The following RBFOX1 variants were observed in gnomAD, a reference collection of about 807,000 sequenced individuals.
The protein encoded by RBFOX1 is RNA binding protein fox-1 homolog 1.
RBFOX1 carries 8 observed loss-of-function variants against 57.7 expected under a neutral mutation model. The ratio of observed to expected loss-of-function variants is 0.14; its 90% CI spans 0.08 to 0.25. The LOEUF (loss-of-function observed/expected upper bound fraction) is 0.25, where lower values mean the gene tolerates loss of function less well. RBFOX1 is among the 10% of genes least tolerant of loss of function. The pLI is 1.00. For missense variants in RBFOX1, 611 were observed against 548.5 expected, an observed-to-expected ratio of 1.11 and a Z score of -1.14; for synonymous variants, 326 against 222.4, an observed-to-expected ratio of 1.47 and a Z score of -4.15.
intron 2 of RBFOX1, among the ~76,000 whole-genome samples, chr16:5,573,286 G>A (rs1287399750): frequency 2.6e-5 from 4 of 152,132 alleles, no homozygotes; most frequent in Non-Finnish European, 4.4e-5. Flanking sequence ...CCTTCCCCAC[G>A]GCCTCGGGTG....
intron 3 of RBFOX1, among the ~76,000 whole-genome samples, chr16:7,013,545 A>G (rs2093754193): frequency 6.6e-6 from 1 of 152,214 alleles, no homozygotes; most frequent in Admixed American, 6.5e-5. Flanking sequence ...CTGTATCAAA[A>G]TGTTAGCAGT....
intron 2 of RBFOX1, among the ~76,000 whole-genome samples, chr16:6,450,916 T>C (rs992234353): frequency 8.1e-5 from 11 of 135,212 alleles, no homozygotes; most frequent in African/African-American, 2.8e-4. Flanking sequence ...TTATAACCCC[T>C]GAATAACAGG....
intron 3 of RBFOX1, among the ~76,000 whole-genome samples, chr16:6,673,327 C>A (rs973362561): frequency 1.3e-5 from 2 of 152,210 alleles, no homozygotes; most frequent in South Asian, 4.1e-4. Context: ...GTGGCTCATG[C>A]CTGTAATCCC....
intron 2 of RBFOX1, among the ~76,000 whole-genome samples, chr16:6,446,967 C>G (rs370545251): frequency 6.6e-6 from 1 of 152,236 alleles, no homozygotes; most frequent in East Asian, 1.9e-4. Flanking sequence ...TGTGTTTTGC[C>G]TGTACTTTTC....
intron 1 of RBFOX1, among the ~76,000 whole-genome samples, chr16:6,137,876 T>C (rs958084601): frequency 5.9e-5 from 9 of 152,054 alleles, no homozygotes; most frequent in African/African-American, 2.2e-4. Context: ...TCCCAAAGTG[T>C]TGGGATCACA....
intron 4 of RBFOX1, among the ~76,000 whole-genome samples, chr16:5,997,274 C>G (rs2060507420): frequency 1.3e-5 from 2 of 152,324 alleles, no homozygotes; most frequent in East Asian, 1.9e-4. Context: ...GAGCCTGGAC[C>G]TCTACAGTTA....
chr16:6,034,434 G>C (rs1341634464), intron 1 of RBFOX1, among the ~76,000 whole-genome samples: 2 of 151,292 alleles, frequency 1.3e-5, no homozygotes, highest in African/African-American at 4.9e-5. Flanking sequence ...CCATGATCAA[G>C]GTGTGGCAAG....
chr16:6,069,858 A>G (rs1293638793), intron 1 of RBFOX1, among the ~76,000 whole-genome samples: 1 of 151,938 alleles, frequency 6.6e-6, no homozygotes, highest in Non-Finnish European at 1.5e-5. Flanking sequence ...GTAGTGGTGC[A>G]TGCCTGTAAT....
chr16:6,171,768 A>G (rs1036064051), intron 1 of RBFOX1, among the ~76,000 whole-genome samples: 3 of 152,074 alleles, frequency 2.0e-5, no homozygotes, highest in Non-Finnish European at 4.4e-5. Context: ...AGTGATTGTG[A>G]ACCAAAGGGT....
chr16:5,392,085 G>C lies in RBFOX1; in HGVS notation c.220-75131G>C, dbSNP rs576767966. On this transcript the variant is annotated intron_variant, in intron 1 of 2. Coordinates refer to the RBFOX1 transcript ENST00000585867. ...TCATAAGTGGGAGCTAAGCTATGAG[G>C]ACGCAAAGGCATAAGAATGATACAA... Among the ~76,000 whole-genome samples the C allele has an allele frequency of 2.0e-5, 3 of 152,144 alleles. No homozygotes were observed. In the South Asian group the frequency reaches 6.2e-4, roughly 32 times the overall value.
intron 1 of RBFOX1, among the ~76,000 whole-genome samples, chr16:5,264,932 G>A (rs1198294876): frequency 6.6e-6 from 1 of 152,044 alleles, no homozygotes; most frequent in Non-Finnish European, 1.5e-5. Flanking sequence ...AATGTTTGAA[G>A]TTACCAAGAT....
At chr16:5,414,349 C>T (rs368647350) in intron 1 of RBFOX1, among the ~76,000 whole-genome samples, 8 of 152,118 alleles carry the variant, frequency 5.3e-5, no homozygotes, top group Middle Eastern at 3.2e-3. Flanking sequence ...TTCCGTCCTC[C>T]GACACTGTGG....
chr16:6,919,821 G>A (rs1017114294), intron 3 of RBFOX1, among the ~76,000 whole-genome samples: 1 of 139,322 alleles, frequency 7.2e-6, no homozygotes, highest in Admixed American at 7.7e-5. Flanking sequence ...GGGAGAACAA[G>A]TGGTTTTTGT....
At chr16:7,703,034 C>T (rs1340318812) in intron 14 of RBFOX1, among the ~76,000 whole-genome samples, 2 of 152,180 alleles carry the variant, frequency 1.3e-5, no homozygotes, top group African/African-American at 2.4e-5. Context: ...TCATTTGACC[C>T]TATACAGGGA....
intron 2 of RBFOX1, among the ~76,000 whole-genome samples, chr16:6,374,569 C>G (rs2090921994): frequency 6.6e-6 from 1 of 152,072 alleles, no homozygotes; most frequent in African/African-American, 2.4e-5. Flanking sequence ...GAAGAGAAGA[C>G]AAATGCTGTG....
rs142074966 is a variant in RBFOX1 at position 5,283,784 on chromosome 16, C to T, written c.219+43679C>T. Among the ~76,000 whole-genome samples the T allele has an allele frequency of 5.5e-3, 833 of 152,226 alleles. 4 individuals carry two copies. Among genetic ancestry groups the T allele is most frequent in the African/African-American group, 0.019 (789 of 41,532 alleles). ...GTTTTTGATTTTACATGCTCATAGGCGGAAGGGATTTGCCTTGTGTCACAT... is the reference window on the plus strand; with the variant it reads ...GTTTTTGATTTTACATGCTCATAGGTGGAAGGGATTTGCCTTGTGTCACAT... On this transcript the variant is annotated intron_variant, in intron 1 of 2. Coordinates refer to the RBFOX1 transcript ENST00000585867.
chr16:5,250,736 A>C (rs2062430198), intron 1 of RBFOX1, among the ~76,000 whole-genome samples: 1 of 152,164 alleles, frequency 6.6e-6, no homozygotes. Flanking sequence ...AGGTATTCTG[A>C]CGTGTGGATG....
intron 1 of RBFOX1, among the ~76,000 whole-genome samples, chr16:6,088,901 C>A (rs1485714829): frequency 2.6e-5 from 4 of 151,944 alleles, no homozygotes; most frequent in Non-Finnish European, 4.4e-5. Flanking sequence ...TCAATACCAT[C>A]CTCGCTAACA....
chr16:5,758,209 A>G lies in RBFOX1; in HGVS notation c.319-109094A>G, dbSNP rs142464068. 3.2e-4 allele frequency among the ~76,000 whole-genome samples: 48 copies of G among 152,352 alleles called. No homozygotes were observed. In the Middle Eastern group the frequency reaches 0.01, roughly 32 times the overall value. On this transcript the variant is annotated intron_variant, in intron 3 of 19. Coordinates refer to the RBFOX1 transcript ENST00000641259. ...CATTGGCTTTTTAACAAATGATGCT[A>G]TTAATCCTACATGTTCTCGATTCTT...
Sources: gnomAD v4.1 joint callset for allele counts (sites outside exome capture counted in the v4.1 genomes callset) on GRCh38, gnomAD v4.1.1 for gene constraint, MANE v1.5 for transcripts, NCBI Gene and HGNC (gene_info 2026-07-23, HGNC 2026-07-21) for gene names.